The following SNAP29 variants were observed in gnomAD, a reference collection of about 807,000 sequenced individuals.
The protein encoded by SNAP29 is synaptosomal-associated protein 29.
SNAP29 carries 13 observed loss-of-function variants against 27.9 expected under a neutral mutation model. The ratio of observed to expected loss-of-function variants is 0.47; its 90% CI spans 0.30 to 0.74. SNAP29 has a LOEUF of 0.74. Ranked by LOEUF, SNAP29 falls within the 30% of genes least tolerant of loss-of-function variation. The pLI is 0.06. For missense variants in SNAP29, 368 were observed against 336.5 expected (o/e 1.09, Z -0.73); for synonymous variants, 119 against 127.1 (o/e 0.94, Z 0.43).
chr22:20,881,258 G>A, intron 3 of SNAP29, 124 bp downstream of exon 3: 1 of 725,796 alleles, frequency 1.4e-6, no homozygotes, highest in African/African-American at 1.7e-5. Context: ...CCAGCTGCTG[G>A]CATCACCCAT....
intron 1 of SNAP29, chr22:20,859,639 A>G (rs1928187581): frequency 2.1e-6 from 1 of 479,896 alleles, no homozygotes; most frequent in Admixed American, 3.8e-5. Flanking sequence ...TTTTCTGTCC[A>G]GGTGAGTAAA....
intron 2 of SNAP29, among the ~76,000 whole-genome samples, chr22:20,872,521 C>T (rs1439196474): frequency 6.6e-6 from 1 of 152,176 alleles, no homozygotes; most frequent in Non-Finnish European, 1.5e-5. Flanking sequence ...CTGCCTCAGC[C>T]TCCCGAGTAG....
chr22:20,859,575 T>G, intron 1 of SNAP29: 1 of 571,546 alleles, frequency 1.7e-6, no homozygotes, highest in Non-Finnish European at 3.1e-6. Flanking sequence ...GCTATTAGTC[T>G]GCTTCGTTGA....
In SNAP29 at chr22:20,890,066, C is replaced by T. The variant is rs1929113086; in HGVS notation, c.*2230C>T. ...TGTCCTGTTCTTGTTCAGACCCTCT[C>T]GTTCTACGTCCTGTGCTGAGGGGAC... On this transcript the variant is annotated 3_prime_UTR_variant, in exon 5 of 5. Transcript: ENST00000215730. 1.3e-5 allele frequency: 5 copies of T among 392,224 alleles called. No homozygotes were observed. The highest frequency in any genetic ancestry group is 4.5e-5 in the Admixed American group (1 of 22,450). 24.3% of individuals were successfully genotyped at this position (392,224 alleles called of 1,614,324 possible). A position where few individuals can be genotyped will look rare whatever the true frequency, so the allele number is the denominator to read the frequency against.
chr22:20,859,905 CT>C (rs1928209715), intron 1 of SNAP29, among the ~76,000 whole-genome samples: 1 of 152,138 alleles, frequency 6.6e-6, no homozygotes, highest in South Asian at 2.1e-4. Context: ...AGACAGCTGC[CT>C]AGTTGACCAA....
intron 2 of SNAP29, among the ~76,000 whole-genome samples, chr22:20,879,812 C>CA (rs1928845811): frequency 6.9e-6 from 1 of 145,616 alleles, no homozygotes. Flanking sequence ...CACTGCACTC[C>CA]AGCCTAGGTG....
intron 2 of SNAP29, among the ~76,000 whole-genome samples, chr22:20,872,820 CTTTTTT>C (rs361677): frequency 7.5e-5 from 3 of 39,866 alleles, no homozygotes; most frequent in African/African-American, 3.1e-4. Context: ...CCACGCCAGG[CTTTTTT>C]TTTTTTTTTT....
In SNAP29 at chr22:20,866,708, A is replaced by G. The variant is rs555214232; in HGVS notation, c.238-3629A>G. On this transcript the variant is annotated intron_variant, in intron 1 of 4. Coordinates refer to ENST00000215730, the MANE Select transcript of SNAP29 (RefSeq NM_004782.4). ...CCCCACACGGTTCCTCTGCCCCTGC[A>G]CAAGCTGCACCCTCTGCCTGGTGCC... Among the ~76,000 whole-genome samples, 3 of 152,166 alleles carry G rather than the reference A, an allele frequency of 2.0e-5. No individual in the cohort carries two copies. The South Asian group carries it at 6.2e-4, about 32-fold the overall frequency.
intron 1 of SNAP29, among the ~76,000 whole-genome samples, chr22:20,866,362 TCCCTTGG>T (rs1928459936): frequency 6.6e-6 from 1 of 152,228 alleles, no homozygotes; most frequent in Admixed American, 6.5e-5. Flanking sequence ...CTGTGCACAC[TCCCTTGG>T]GAAGGGAGAG....
intron 2 of SNAP29, among the ~76,000 whole-genome samples, chr22:20,875,385 A>T (rs1433857090): frequency 1.3e-5 from 2 of 152,174 alleles, no homozygotes. Context: ...CAAAACTTTC[A>T]CCCACACTCT....
Position 20,887,765 on chromosome 22 carries a change from CG to C in SNAP29, c.708del (p.Leu237Ter). The C allele has an allele frequency of 6.2e-7, 1 of 1,614,112 alleles. No homozygotes were observed. Among genetic ancestry groups the C allele is most frequent in the East Asian group, 2.2e-5 (1 of 44,882 alleles). On this transcript the variant is annotated frameshift_variant, in exon 5 of 5. Transcript: ENST00000215730. LOFTEE classifies it high-confidence loss of function. ...EIEEQDDILDRLTTKVDKLDV... is the reference protein window; with the variant it reads ...EIEEQDDILDXLTTKVDKLDV... ...TGAGGAGCAAGATGACATTCTTGAC[CG>C]GCTGACAACCAAAGTGGACAAGTTA...
At chr22:20,860,121 G>C (rs1443941784) in intron 1 of SNAP29, among the ~76,000 whole-genome samples, 1 of 151,834 alleles carries the variant, frequency 6.6e-6, no homozygotes, top group Non-Finnish European at 1.5e-5. Context: ...GGAGGCCTAG[G>C]CGTCGGATCG....
chr22:20,861,559 T>G (rs1254524674), intron 1 of SNAP29, among the ~76,000 whole-genome samples: 2 of 152,156 alleles, frequency 1.3e-5, no homozygotes, highest in Non-Finnish European at 2.9e-5. Context: ...TGCCTCAACC[T>G]CCCAAGTAGC....
intron 3 of SNAP29, among the ~76,000 whole-genome samples, chr22:20,882,141 A>C (rs903539840): frequency 4.6e-5 from 7 of 151,814 alleles, no homozygotes; most frequent in African/African-American, 1.5e-4. Context: ...AGAGCTCCAG[A>C]AGGAGTGCAA....
At chr22:20,876,695 G>T (rs934770871) in intron 2 of SNAP29, among the ~76,000 whole-genome samples, 1 of 151,350 alleles carries the variant, frequency 6.6e-6, no homozygotes, top group Non-Finnish European at 1.5e-5. Context: ...AGCTTCCCAA[G>T]CAGCTGGGAC....
At chr22:20,887,038 A>G (rs898942937) in intron 4 of SNAP29, among the ~76,000 whole-genome samples, 2 of 152,128 alleles carry the variant, frequency 1.3e-5, no homozygotes, top group Admixed American at 6.5e-5. Flanking sequence ...CCTGGCCAAT[A>G]TGGTGAAACC....
intron 4 of SNAP29, among the ~76,000 whole-genome samples, chr22:20,886,283 TGAC>T (rs1929013778): frequency 6.8e-6 from 1 of 146,670 alleles, no homozygotes; most frequent in Admixed American, 6.8e-5. Context: ...CCACTGTGCC[TGAC>T]TTGAAGACAA....
chr22:20,860,249 C>T (rs968947362), intron 1 of SNAP29, among the ~76,000 whole-genome samples: 5 of 151,206 alleles, frequency 3.3e-5, no homozygotes, highest in African/African-American at 1.2e-4. Context: ...CGCAGCTACT[C>T]AGGAGGCTGA....
rs754419395 is a variant in SNAP29, at chr22:20,859,203, C to CCCCGACGGG, written c.101_109dup (p.Gly34_Asp36dup). On this transcript the variant is annotated inframe_insertion, in exon 1 of 5. Transcript: ENST00000215730. ...CCCCTTGGAGGGACGCCCGAGACCT[C>CCCCGACGGG]CCCGACGGGCCCGACGCGCCCGCGG... 8 of 1,601,936 alleles carry CCCCGACGGG rather than the reference C, an allele frequency of 5.0e-6. No homozygotes were observed. Among genetic ancestry groups the CCCCGACGGG allele is most frequent in the Non-Finnish European group, 5.1e-6 (6 of 1,175,618 alleles).
Sources: gnomAD v4.1 joint callset for allele counts (sites outside exome capture counted in the v4.1 genomes callset) on GRCh38, gnomAD v4.1.1 for gene constraint, MANE v1.5 for transcripts, NCBI Gene and HGNC (gene_info 2026-07-23, HGNC 2026-07-21) for gene names.